ST18: variants seen among roughly 807,000 people sequenced by gnomAD.
ST18 encodes the protein suppression of tumorigenicity 18 protein.
Under a neutral mutation model 110.0 loss-of-function variants are expected in ST18, and 50 were observed. The observed-to-expected ratio is 0.45, with a 90% confidence interval of 0.36 to 0.58. The LOEUF (loss-of-function observed/expected upper bound fraction) is 0.58. Ranked by LOEUF, ST18 falls within the 20% of genes least tolerant of loss-of-function variation. The pLI, the probability that ST18 is intolerant of heterozygous loss-of-function variation, is 0.00. For missense variants in ST18, 1,306 were observed against 1,280.1 expected, an observed-to-expected ratio of 1.02 and a Z score of -0.31; for synonymous variants, 461 against 452.4, an observed-to-expected ratio of 1.02 and a Z score of -0.24.
chr8:52,332,120 G>T (rs1177927742), intron 2 of ST18, among the ~76,000 whole-genome samples: 1 of 151,908 alleles, frequency 6.6e-6, no homozygotes, highest in East Asian at 1.9e-4. Context: ...AGTTACATTT[G>T]CCATTATAAG....
chr8:52,357,690 T>C (rs1216845698), intron 2 of ST18, among the ~76,000 whole-genome samples: 2 of 46,452 alleles, frequency 4.3e-5, no homozygotes, highest in Non-Finnish European at 7.7e-5. Flanking sequence ...TATATATATA[T>C]ATATATATAT....
chr8:52,351,093 C>T (rs1195959464), intron 2 of ST18, among the ~76,000 whole-genome samples: 1 of 152,114 alleles, frequency 6.6e-6, no homozygotes, highest in Non-Finnish European at 1.5e-5. Context: ...TTGGTATCTC[C>T]TAGTAGATGC....
At chr8:52,325,102 A>C (rs186406301) in intron 2 of ST18, among the ~76,000 whole-genome samples, 335 of 152,330 alleles carry the variant, frequency 2.2e-3, no homozygotes, top group South Asian at 5.2e-3. Flanking sequence ...ACCAATTTGC[A>C]ATGTTCTGAG....
chr8:52,377,842 A>G (rs888558937), intron 2 of ST18, among the ~76,000 whole-genome samples: 3 of 152,204 alleles, frequency 2.0e-5, no homozygotes, highest in African/African-American at 7.2e-5. Flanking sequence ...AAAGACTAGG[A>G]AGCAAAGTCT....
chr8:52,326,157 C>T (rs1206931020), intron 2 of ST18, among the ~76,000 whole-genome samples: 3 of 152,270 alleles, frequency 2.0e-5, no homozygotes, highest in Non-Finnish European at 2.9e-5. Flanking sequence ...ATATTTCTAA[C>T]AGTGGAGTAT....
At chr8:52,290,831 C>T (rs1011778790) in intron 2 of ST18, among the ~76,000 whole-genome samples, 4 of 152,218 alleles carry the variant, frequency 2.6e-5, no homozygotes, top group African/African-American at 7.2e-5. Flanking sequence ...CTTTTCCTCC[C>T]TGACTTCCTC....
intron 2 of ST18, among the ~76,000 whole-genome samples, chr8:52,334,767 T>C (rs1485643560): frequency 1.3e-5 from 2 of 152,186 alleles, no homozygotes; most frequent in Admixed American, 1.3e-4. Flanking sequence ...GCTGTTATGG[T>C]TCCAAGGACT....
In ST18 at chr8:52,118,327, C is replaced by CT. The variant is rs556111642; in HGVS notation, c.2859+10dup. The CT allele has an allele frequency of 3.0e-4, 461 of 1,558,046 alleles. 2 individuals carry two copies. The highest frequency in any genetic ancestry group is 2.5e-3 in the East Asian group (111 of 44,452). ...TTACATTAAGGATCATGAATTACTT[C>CT]TTTTTTTTACCTGGGTCTGAAGTTT... On this transcript the variant is annotated intron_variant, in intron 24 of 25. Transcript: ENST00000689386.
At chr8:52,135,815 T>C (rs562674963) in intron 19 of ST18, among the ~76,000 whole-genome samples, 2 of 152,084 alleles carry the variant, frequency 1.3e-5, no homozygotes, top group Non-Finnish European at 2.9e-5. Flanking sequence ...AAATGTTACA[T>C]GTGTTTTAGA....
rs2064976365 is a variant in ST18, at chr8:52,171,584, A to G, written c.1069+208T>C. On this transcript the variant is annotated intron_variant, in intron 10 of 25. Transcript: ENST00000689386. ...TTCAATGAACCTTTTTTCATGTGTG[A>G]AAATAGTCCAAAATTAACACAGCTT... The G allele has an allele frequency of 4.4e-6, 3 of 687,082 alleles. No homozygotes were observed. The South Asian group carries it at 4.5e-5, about 10-fold the overall frequency. 42.6% of individuals were successfully genotyped at this position (687,082 alleles called of 1,614,324 possible).
At chr8:52,404,451 C>G (rs1160641487) in intron 2 of ST18, 1 of 152,152 alleles carries the variant, frequency 6.6e-6, no homozygotes, top group Non-Finnish European at 1.5e-5. Flanking sequence ...CACTCCTTCC[C>G]CAGTCTCACA....
intron 22 of ST18, among the ~76,000 whole-genome samples, chr8:52,129,490 A>G (rs547312363): frequency 1.3e-5 from 2 of 151,026 alleles, no homozygotes; most frequent in Non-Finnish European, 3.0e-5. Context: ...AATTCCACAC[A>G]CAGAAAGGAG....
At chr8:52,346,971 A>G (rs1818083570) in intron 2 of ST18, among the ~76,000 whole-genome samples, 1 of 152,192 alleles carries the variant, frequency 6.6e-6, no homozygotes, top group African/African-American at 2.4e-5. Context: ...TCTAAGTAAA[A>G]AGCAATTTAA....
At chr8:52,323,538 C>G (rs756870627) in intron 2 of ST18, among the ~76,000 whole-genome samples, 1 of 152,158 alleles carries the variant, frequency 6.6e-6, no homozygotes, top group Non-Finnish European at 1.5e-5. Flanking sequence ...TCCTGTTTTT[C>G]CTGCTGGAGA....
intron 14 of ST18, among the ~76,000 whole-genome samples, chr8:52,161,099 G>A (rs2061342193): frequency 6.6e-6 from 1 of 152,056 alleles, no homozygotes; most frequent in South Asian, 2.1e-4. Flanking sequence ...TATTTCTTTA[G>A]AATTATTGTA....
At chr8:52,291,292 G>A (rs956437823) in intron 2 of ST18, among the ~76,000 whole-genome samples, 12 of 152,132 alleles carry the variant, frequency 7.9e-5, no homozygotes, top group Non-Finnish European at 1.6e-4. Context: ...TCTGAGCTGC[G>A]CCCACACGAT....
chr8:52,297,152 C>T (rs2095648193), intron 2 of ST18, among the ~76,000 whole-genome samples: 1 of 152,226 alleles, frequency 6.6e-6, no homozygotes. Context: ...CGCAGCCCTG[C>T]ATGCTGACAG....
chr8:52,135,619 G>C (rs2051842920), intron 19 of ST18, among the ~76,000 whole-genome samples: 1 of 132,644 alleles, frequency 7.5e-6, no homozygotes, highest in South Asian at 2.6e-4. Context: ...AAAAAAGACA[G>C]AAAATGAGAA....
At chr8:52,198,605 C>A (rs1381114284) in intron 8 of ST18, among the ~76,000 whole-genome samples, 2 of 152,112 alleles carry the variant, frequency 1.3e-5, no homozygotes, top group African/African-American at 4.8e-5. Flanking sequence ...CATGTGCATA[C>A]TGAGTTAGCA....
Sources: gnomAD v4.1 joint callset for allele counts (sites outside exome capture counted in the v4.1 genomes callset) on GRCh38, gnomAD v4.1.1 for gene constraint, MANE v1.5 for transcripts, NCBI Gene and HGNC (gene_info 2026-07-23, HGNC 2026-07-21) for gene names.